LINGO2: variants seen among roughly 807,000 people sequenced by gnomAD.
The protein encoded by LINGO2 is leucine-rich repeat and immunoglobulin-like domain-containing nogo receptor-interacting protein 2.
Under a neutral mutation model 30.6 loss-of-function variants are expected in LINGO2, and 14 were observed. That is an observed-to-expected ratio of 0.46 (90% CI 0.30 to 0.72). The LOEUF is 0.72. LINGO2 is among the 30% of genes least tolerant of loss of function. The pLI, the probability that LINGO2 is intolerant of heterozygous loss-of-function variation, is 0.07. For synonymous variants in LINGO2, 317 were observed against 288.5 expected, an observed-to-expected ratio of 1.10 and a Z score of -1.00; for missense variants, 729 against 751.7, an observed-to-expected ratio of 0.97 and a Z score of 0.35.
At chr9:28,247,759 A>T (rs1013749740) in intron 4 of LINGO2, among the ~76,000 whole-genome samples, 3 of 151,130 alleles carry the variant, frequency 2.0e-5, no homozygotes, top group East Asian at 1.9e-4. Flanking sequence ...CTTAAAGTTT[A>T]AAAAAAAAAT....
intron 1 of LINGO2, among the ~76,000 whole-genome samples, chr9:28,547,938 T>C (rs1441327208): frequency 2.0e-5 from 3 of 152,250 alleles, no homozygotes; most frequent in African/African-American, 7.2e-5. Flanking sequence ...TAGTATTTTA[T>C]GGTACTTTTG....
chr9:28,662,858 C>G (rs1209237114), intron 1 of LINGO2, among the ~76,000 whole-genome samples: 2 of 152,110 alleles, frequency 1.3e-5, no homozygotes, highest in Non-Finnish European at 2.9e-5. Flanking sequence ...TCTGACCATT[C>G]AGCAAAAAAG....
chr9:28,878,470 C>T, the LINGO2 span, among the ~76,000 whole-genome samples: 16 of 152,162 alleles, frequency 1.1e-4, no homozygotes, highest in Admixed American at 8.5e-4. Flanking sequence ...AAGAGGGAAT[C>T]CTCCCAAACT....
chr9:28,477,314 C>G (rs1364910511), intron 1 of LINGO2, among the ~76,000 whole-genome samples: 1 of 152,048 alleles, frequency 6.6e-6, no homozygotes, highest in Non-Finnish European at 1.5e-5. Context: ...CCCTGGAAGG[C>G]AGGTGTTATT....
intron 5 of LINGO2, among the ~76,000 whole-genome samples, chr9:27,994,774 T>C (rs1457397666): frequency 6.6e-6 from 1 of 151,374 alleles, no homozygotes; most frequent in African/African-American, 2.4e-5. Flanking sequence ...GGCAGGGAGG[T>C]GGTGGGGAAA....
intron 4 of LINGO2, chr9:28,080,779 G>A (rs533280214): frequency 6.6e-6 from 1 of 152,126 alleles, no homozygotes; most frequent in South Asian, 2.1e-4. Context: ...GTGAAGAGAG[G>A]TCTAAAGTGT....
At chr9:28,835,145 A>G in the LINGO2 span, among the ~76,000 whole-genome samples, 1 of 152,202 alleles carries the variant, frequency 6.6e-6, no homozygotes, top group Non-Finnish European at 1.5e-5. Context: ...GAGAGTTGGC[A>G]TCTCTGAAGT....
chr9:29,101,321 G>A, the LINGO2 span, among the ~76,000 whole-genome samples: 1 of 152,170 alleles, frequency 6.6e-6, no homozygotes, highest in Non-Finnish European at 1.5e-5. Context: ...ATAGGTTGGG[G>A]ACTTAAGAAA....
chr9:28,911,625 AGAGTT>A, the LINGO2 span, among the ~76,000 whole-genome samples: 16 of 152,138 alleles, frequency 1.1e-4, no homozygotes, highest in African/African-American at 2.2e-4. Flanking sequence ...AATTTAATAT[AGAGTT>A]AAGTACATAA....
chr9:28,953,315 G>T, the LINGO2 span, among the ~76,000 whole-genome samples: 3 of 152,008 alleles, frequency 2.0e-5, no homozygotes, highest in African/African-American at 4.8e-5. Context: ...GTGCTCAAAC[G>T]TTTAGGAATC....
the LINGO2 span, among the ~76,000 whole-genome samples, chr9:28,994,347 C>T: frequency 6.6e-6 from 1 of 152,082 alleles, no homozygotes; most frequent in Non-Finnish European, 1.5e-5. Flanking sequence ...AACTACAAAC[C>T]ACTGCTCAAT....
intron 1 of LINGO2, among the ~76,000 whole-genome samples, chr9:28,617,213 T>C (rs1826168133): frequency 6.6e-6 from 1 of 152,194 alleles, no homozygotes. Context: ...TTCATGATTA[T>C]AGCATTAAAA....
the LINGO2 span, among the ~76,000 whole-genome samples, chr9:28,776,588 C>T: frequency 6.6e-6 from 1 of 152,148 alleles, no homozygotes; most frequent in Non-Finnish European, 1.5e-5. Context: ...GGAGCTGTTT[C>T]CTTTCATGCA....
chr9:27,966,716 A>T (rs1820119766), intron 5 of LINGO2, among the ~76,000 whole-genome samples: 1 of 152,136 alleles, frequency 6.6e-6, no homozygotes, highest in Non-Finnish European at 1.5e-5. Context: ...CAGCACACGT[A>T]TCCCAGAATT....
At chr9:28,005,006 G>A (rs1443502175) in intron 5 of LINGO2, among the ~76,000 whole-genome samples, 2 of 152,188 alleles carry the variant, frequency 1.3e-5, no homozygotes, top group African/African-American at 4.8e-5. Flanking sequence ...CAGCGAGGCT[G>A]CCTTTGTTAC....
chr9:29,147,354 T>C, the LINGO2 span, among the ~76,000 whole-genome samples: 1 of 152,152 alleles, frequency 6.6e-6, no homozygotes, highest in South Asian at 2.1e-4. Flanking sequence ...ATTCATAAAG[T>C]ATCTGTGATT....
chr9:28,549,060 C>T (rs1420632261), intron 1 of LINGO2, among the ~76,000 whole-genome samples: 1 of 151,972 alleles, frequency 6.6e-6, no homozygotes, highest in African/African-American at 2.4e-5. Context: ...ACAGTTCTTT[C>T]AGATATTATT....
chr9:28,419,486 T>C (rs1051355548), intron 2 of LINGO2, among the ~76,000 whole-genome samples: 3 of 152,140 alleles, frequency 2.0e-5, no homozygotes, highest in African/African-American at 7.2e-5. Flanking sequence ...AGACTGTTCA[T>C]AAGCAAGTCT....
chr9:28,976,905 A>T, the LINGO2 span, among the ~76,000 whole-genome samples: 1 of 152,148 alleles, frequency 6.6e-6, no homozygotes, highest in Non-Finnish European at 1.5e-5. Context: ...CTCATGGCAG[A>T]TGGCTTGAAT....
Sources: gnomAD v4.1 joint callset for allele counts (sites outside exome capture counted in the v4.1 genomes callset) on GRCh38, gnomAD v4.1.1 for gene constraint, MANE v1.5 for transcripts, NCBI Gene and HGNC (gene_info 2026-07-23, HGNC 2026-07-21) for gene names.